Variants in NCK2 observed in about 807,000 individuals in gnomAD.
The protein encoded by NCK2 is NCK adaptor protein 2.
In NCK2, 16 loss-of-function variants were observed where a neutral mutation model predicts 33.9. The observed-to-expected ratio is 0.47, with a 90% CI of 0.32 to 0.72. The LOEUF is 0.72. Ranked by LOEUF, NCK2 falls within the 30% of genes least tolerant of loss-of-function variation. NCK2 has a pLI of 0.03. For missense variants in NCK2, 418 were observed against 537.3 expected, an observed-to-expected ratio of 0.78 and a Z score of 2.19; for synonymous variants, 273 against 239.9, an observed-to-expected ratio of 1.14 and a Z score of -1.27.
intron 4 of NCK2, among the ~76,000 whole-genome samples, chr2:105,883,921 G>C (rs780431403): frequency 3.9e-5 from 6 of 152,262 alleles, no homozygotes; most frequent in Non-Finnish European, 8.8e-5. Flanking sequence ...AGCTTTACTG[G>C]GACTTGCATC....
chr2:105,868,667 G>T (rs1677856404), intron 3 of NCK2, among the ~76,000 whole-genome samples: 1 of 152,232 alleles, frequency 6.6e-6, no homozygotes, highest in Admixed American at 6.5e-5. Flanking sequence ...TGGTTGTGTG[G>T]TGTCCAAGAG....
chr2:105,877,216 C>T (rs573874255), intron 3 of NCK2, among the ~76,000 whole-genome samples: 1 of 152,254 alleles, frequency 6.6e-6, no homozygotes. Flanking sequence ...GACACCTTGC[C>T]CAGGCACCCT....
chr2:105,753,021 A>G (rs1415058114), intron 1 of NCK2, among the ~76,000 whole-genome samples: 1 of 152,218 alleles, frequency 6.6e-6, no homozygotes, highest in African/African-American at 2.4e-5. Context: ...TTCATCGCTA[A>G]GGAAAGGGAG....
chr2:105,819,213 C>T (rs1255882345), intron 2 of NCK2, among the ~76,000 whole-genome samples: 1 of 151,874 alleles, frequency 6.6e-6, no homozygotes, highest in Non-Finnish European at 1.5e-5. Flanking sequence ...ATTCCCAGGT[C>T]TCTCTTCCAG....
At chr2:105,884,088 G>GGT (rs375253240) in intron 4 of NCK2, among the ~76,000 whole-genome samples, 2,372 of 152,198 alleles carry the variant, frequency 0.016, 39 homozygotes, top group Non-Finnish European at 0.019. Flanking sequence ...AGAGCCCTGA[G>GGT]GTGTGTGTGT....
At chr2:105,767,385 A>G (rs1038467537) in intron 1 of NCK2, among the ~76,000 whole-genome samples, 1 of 152,194 alleles carries the variant, frequency 6.6e-6, no homozygotes, top group Admixed American at 6.5e-5. Context: ...CCTAGTTAGT[A>G]TTTTGTGAAA....
intron 4 of NCK2, among the ~76,000 whole-genome samples, chr2:105,891,180 A>G (rs1399992335): frequency 6.6e-6 from 1 of 151,942 alleles, no homozygotes; most frequent in Non-Finnish European, 1.5e-5. Context: ...CAATACTCAC[A>G]TACTCCCTCT....
intron 2 of NCK2, among the ~76,000 whole-genome samples, chr2:105,836,814 T>C (rs1356375274): frequency 6.6e-6 from 1 of 152,134 alleles, no homozygotes; most frequent in African/African-American, 2.4e-5. Context: ...GGATGCACTC[T>C]AGTGTGAATC....
At position 105,868,750 on chromosome 2, in the gene NCK2, G is replaced by A. The variant is rs191416964; in HGVS notation, c.227-12578G>A. Among the ~76,000 whole-genome samples the A allele has an allele frequency of 1.1e-4, 17 of 152,296 alleles. No individual in the cohort carries two copies. The East Asian group carries it at 1.5e-3, about 14-fold the overall frequency. ...TTCAAAGCCTGCTATACACAGTTAC[G>A]TTTAAAAAGTGAAGTTAATCGATAG... On this transcript the variant is annotated intron_variant, in intron 3 of 4. Coordinates refer to ENST00000233154, the MANE Select transcript of NCK2 (RefSeq NM_003581.5).
At chr2:105,839,665 T>G (rs980106069) in intron 2 of NCK2, among the ~76,000 whole-genome samples, 5 of 152,206 alleles carry the variant, frequency 3.3e-5, no homozygotes, top group Admixed American at 2.0e-4. Flanking sequence ...AAGTGCATGT[T>G]AGACATCCAG....
intron 3 of NCK2, among the ~76,000 whole-genome samples, chr2:105,859,878 G>T (rs1677445222): frequency 6.6e-6 from 1 of 152,186 alleles, no homozygotes; most frequent in Admixed American, 6.5e-5. Context: ...GGGTCTGTGG[G>T]GCAGGCTCAC....
In NCK2 at chr2:105,886,642, A is replaced by G. The variant is rs1191026275; in HGVS notation, c.948+4593A>G. Among the ~76,000 whole-genome samples the G allele has an allele frequency of 3.3e-5, 5 of 152,170 alleles. No individual in the cohort carries two copies. In the South Asian group the frequency reaches 1.0e-3, roughly 32 times the overall value. ...TGCATACTGTTGTGTAATATGGTAA[A>G]ATTCTGACTTAAATGTATCACTCAG... is the stretch of plus-strand genomic sequence containing the variant. On this transcript the variant is annotated intron_variant, in intron 4 of 4. Coordinates refer to ENST00000233154, the MANE Select transcript of NCK2 (RefSeq NM_003581.5).
intron 3 of NCK2, among the ~76,000 whole-genome samples, chr2:105,880,537 G>A (rs1292003381): frequency 2.0e-5 from 3 of 152,162 alleles, no homozygotes; most frequent in African/African-American, 7.2e-5. Context: ...AGGAGGCAGC[G>A]GCAAGGCAGC....
chr2:105,878,934 G>A (rs1451303469), intron 3 of NCK2, among the ~76,000 whole-genome samples: 1 of 152,176 alleles, frequency 6.6e-6, no homozygotes, highest in Non-Finnish European at 1.5e-5. Context: ...CTAGTTTGCT[G>A]CCTGGTATGT....
Position 105,881,983 on chromosome 2 carries a change from G to A in NCK2, c.882G>A (p.Gln294=). ...EWYYGNVTRH[Q]AECALNERGV... ...ACTACGGGAACGTGACGCGGCACCAGGCCGAGTGCGCCCTCAACGAGCGGG... is the reference window on the plus strand; with the variant it reads ...ACTACGGGAACGTGACGCGGCACCAAGCCGAGTGCGCCCTCAACGAGCGGG... The change falls in exon 4 of 5, where the codon CAG becomes CAA. Residue 294 remains glutamine, a synonymous_variant. Coordinates refer to ENST00000233154, the MANE Select transcript of NCK2 (RefSeq NM_003581.5). 6.6e-7 allele frequency: 1 copy of A among 1,516,994 alleles called. No individual in the cohort carries two copies. The highest frequency in any genetic ancestry group is 8.8e-7 in the Non-Finnish European group (1 of 1,133,122). The allele number at this position is 1,516,994 out of a possible 1,614,324, so 94.0% of individuals were successfully genotyped here. A position where few individuals can be genotyped will look rare whatever the true frequency, so the allele number is the denominator to read the frequency against.
intron 1 of NCK2, among the ~76,000 whole-genome samples, chr2:105,769,979 T>C (rs897944385): frequency 3.9e-5 from 6 of 152,236 alleles, no homozygotes; most frequent in Non-Finnish European, 7.3e-5. Context: ...CTGGCTACTT[T>C]ACCCTTGGTG....
At chr2:105,816,752 G>C (rs1675503613) in intron 2 of NCK2, 139 bp downstream of exon 2, 1 of 152,130 alleles carries the variant, frequency 6.6e-6, no homozygotes, top group African/African-American at 2.4e-5. Context: ...CTTTCAATGA[G>C]GGAGAAAATT....
intron 1 of NCK2, among the ~76,000 whole-genome samples, chr2:105,810,893 G>T (rs1675271438): frequency 6.6e-6 from 1 of 152,136 alleles, no homozygotes; most frequent in Admixed American, 6.5e-5. Flanking sequence ...GCCCGGCTAT[G>T]GGCCAGGTGC....
chr2:105,845,300 G>A (rs1040369518), intron 2 of NCK2, among the ~76,000 whole-genome samples: 3 of 152,130 alleles, frequency 2.0e-5, no homozygotes, highest in South Asian at 2.1e-4. Context: ...GCAGGGAATC[G>A]TGAGTAACAA....
Sources: gnomAD v4.1 joint callset for allele counts (sites outside exome capture counted in the v4.1 genomes callset) on GRCh38, gnomAD v4.1.1 for gene constraint, MANE v1.5 for transcripts, NCBI Gene and HGNC (gene_info 2026-07-23, HGNC 2026-07-21) for gene names.